Variants in MYO7A observed in about 807,000 individuals in gnomAD.
MYO7A encodes the protein myosin VIIA.
MYO7A carries 210 observed loss-of-function variants against 263.8 expected under a neutral mutation model. The ratio of observed to expected loss-of-function variants is 0.80; its 90% CI spans 0.71 to 0.89. The LOEUF (loss-of-function observed/expected upper bound fraction) is 0.89. Ranked by LOEUF, MYO7A falls within the 40% of genes least tolerant of loss-of-function variation. MYO7A has a pLI of 0.00. For synonymous variants in MYO7A, 1,239 were observed against 1,197.3 expected (o/e 1.03, Z -0.72); for missense variants, 2,820 against 2,968.3 (o/e 0.95, Z 1.16).
chr11:77,197,051 C>G (rs1591448663), intron 32 of MYO7A, among the ~76,000 whole-genome samples: 1 of 152,138 alleles, frequency 6.6e-6, no homozygotes, highest in Non-Finnish European at 1.5e-5. Context: ...ACTCACAGTC[C>G]CCCAGGACCT....
rs530466728 is a variant in MYO7A, at chr11:77,177,305, A to G, written c.2188-244A>G. 1.8e-4 allele frequency among the ~76,000 whole-genome samples: 27 copies of G among 152,314 alleles called. 1 individual carries two copies. The highest frequency in any genetic ancestry group is 8.8e-5 in the Non-Finnish European group (6 of 68,020). On this transcript the variant is annotated intron_variant, in intron 18 of 48. Coordinates refer to ENST00000409709, the MANE Select transcript of MYO7A (RefSeq NM_000260.4). Reference sequence around the variant, plus strand: ...CATACTGGGCCTTCCGACCCCATCCAGAGAGATTAGGCACCTTCTGCTCCA... The same window carrying G: ...CATACTGGGCCTTCCGACCCCATCCGGAGAGATTAGGCACCTTCTGCTCCA...
rs55990826 is a variant in MYO7A at position 77,181,794 on chromosome 11, T to G, written c.2905-157T>G. On this transcript the variant is annotated intron_variant, in intron 23 of 48. Coordinates refer to ENST00000409709, the MANE Select transcript of MYO7A (RefSeq NM_000260.4). The stretch of plus-strand genomic sequence containing the variant: ...TTTTTTTTTTGTTTTTTTTTTTTTT[T>G]TTTTTTTTGAGATGGGGTCGTACCC... Among the ~76,000 whole-genome samples the G allele has an allele frequency of 0.052, 7,201 of 138,096 alleles. 281 individuals are homozygous for G. The highest frequency in any genetic ancestry group is 0.082 in the Admixed American group (1,086 of 13,320). The allele number at this position is 138,096 out of a possible 152,430, so 90.6% of individuals were successfully genotyped here.
intron 15 of MYO7A, among the ~76,000 whole-genome samples, chr11:77,169,066 C>G (rs1953835384): frequency 6.6e-6 from 1 of 152,194 alleles, no homozygotes; most frequent in Non-Finnish European, 1.5e-5. Flanking sequence ...AACACGATGG[C>G]TTTTTAAAAG....
In MYO7A at chr11:77,182,607, C is replaced by T. The variant is rs1022909750; in HGVS notation, c.3285+7C>T. 6.2e-7 allele frequency: 1 copy of T among 1,612,664 alleles called. No homozygotes were observed. The highest frequency in any genetic ancestry group is 1.1e-5 in the South Asian group (1 of 91,056). On this transcript the variant is annotated splice_region_variant and intron_variant, in intron 25 of 48. Coordinates refer to ENST00000409709, the MANE Select transcript of MYO7A (RefSeq NM_000260.4). The stretch of plus-strand genomic sequence containing the variant: ...CCTGCAGGGCGAGGGCGAGGTGAGG[C>T]CAAGGTGCCCTCTGGATGATGTCCC...
chr11:77,194,732 T>A (rs1293551411), intron 32 of MYO7A, among the ~76,000 whole-genome samples: 1 of 152,200 alleles, frequency 6.6e-6, no homozygotes, highest in Non-Finnish European at 1.5e-5. Flanking sequence ...CCTTGCAGCC[T>A]CTGTGGGGCC....
chr11:77,132,776 C>T (rs12803821), intron 2 of MYO7A, among the ~76,000 whole-genome samples: 3 of 152,102 alleles, frequency 2.0e-5, no homozygotes, highest in East Asian at 1.9e-4. Context: ...CGTGAGCCAC[C>T]GCACCAGGTG....
rs1395953829 is a variant in MYO7A, at chr11:77,192,240, G to T, written c.4114G>T (p.Val1372Leu). 1 of 1,613,962 alleles carries T rather than the reference G, an allele frequency of 6.2e-7. No homozygotes were observed. The highest frequency in any genetic ancestry group is 8.5e-7 in the Non-Finnish European group (1 of 1,179,922). Residue 1372 changes from valine to leucine, a missense_variant, in exon 31 of 49, where the codon GTG becomes TTG. Transcript: ENST00000409709. ...CACCAACCTCATCTACCAGCAGGTGGTGCGAGGAGTCAAGTTTGGGGAGTA... is the reference window on the plus strand; with the variant it reads ...CACCAACCTCATCTACCAGCAGGTGTTGCGAGGAGTCAAGTTTGGGGAGTA... Reference protein sequence around the residue: ...VATNLIYQQVVRGVKFGEYRC... With the variant: ...VATNLIYQQVLRGVKFGEYRC...
intron 31 of MYO7A, 105 bp from the exon 32 acceptor site, chr11:77,194,249 C>G: frequency 7.5e-7 from 1 of 1,326,692 alleles, no homozygotes; most frequent in South Asian, 1.3e-5. Context: ...GCTCTGAGAG[C>G]TACAGGAGGC....
rs960599501 is a variant in MYO7A, at chr11:77,214,802, C to T, written c.*106C>T. ...GGGAAGACTTATGCCATCCCGGCAG[C>T]GAGGCTGGGCTGGCCAGCCACCACT... On this transcript the variant is annotated 3_prime_UTR_variant, in exon 49 of 49. Transcript: ENST00000409709. 21 of 956,542 alleles carry T rather than the reference C, an allele frequency of 2.2e-5. No individual in the cohort carries two copies. The highest frequency in any genetic ancestry group is 5.3e-5 in the East Asian group (2 of 37,602). The allele number at this position is 956,542 out of a possible 1,614,324, so 59.3% of individuals were successfully genotyped here. A position where few individuals can be genotyped will look rare whatever the true frequency, so the allele number is the denominator to read the frequency against.
intron 41 of MYO7A, 140 bp downstream of exon 41, chr11:77,206,342 G>T: frequency 1.5e-6 from 1 of 667,322 alleles, no homozygotes. Context: ...TGGAGTCGGG[G>T]CTCAGGACGA....
At position 77,199,476 on chromosome 11, in the gene MYO7A, G is replaced by T. The variant is rs112556934; in HGVS notation, c.4569-59G>T. On this transcript the variant is annotated intron_variant, in intron 34 of 48. Transcript: ENST00000409709. ...ACTTAGCCTGAGATGTGTCTGAGCT[G>T]GGCCACGTCTCCCACTGGTTGGGGC... 1.4e-4 allele frequency: 200 copies of T among 1,430,220 alleles called. 1 individual carries two copies. The African/African-American group carries it at 2.5e-3, about 18-fold the overall frequency. 88.6% of individuals were successfully genotyped at this position (1,430,220 alleles called of 1,614,324 possible).
chr11:77,159,198 G>T (rs547845824), intron 9 of MYO7A, among the ~76,000 whole-genome samples: 5 of 152,204 alleles, frequency 3.3e-5, no homozygotes, highest in Non-Finnish European at 5.9e-5. Flanking sequence ...TCTATTCCTC[G>T]AATGCCAGGC....
intron 7 of MYO7A, 26 bp from the exon 8 acceptor site, chr11:77,157,253 C>T: frequency 5.1e-6 from 8 of 1,568,996 alleles, no homozygotes; most frequent in Non-Finnish European, 7.0e-6. Flanking sequence ...CTCCCCTGGC[C>T]CCCAGCACTG....
At position 77,142,837 on chromosome 11, in the gene MYO7A, C is replaced by T. The variant is rs1555051597; in HGVS notation, c.132+15C>T. On this transcript the variant is annotated intron_variant, in intron 3 of 48. Coordinates refer to ENST00000409709, the MANE Select transcript of MYO7A (RefSeq NM_000260.4). ...ATGAAGACAATGTGAGTAGTCCCCT[C>T]CCTCCTCCTGCCCCATGCCTTGGGG... 4 of 1,574,522 alleles carry T rather than the reference C, an allele frequency of 2.5e-6. No homozygotes were observed. Among genetic ancestry groups the T allele is most frequent in the African/African-American group, 1.3e-5 (1 of 74,212 alleles).
chr11:77,211,922 C>A lies in MYO7A; in HGVS notation c.6339C>A (p.Ala2113=), dbSNP rs764862807. Residue 2113 remains alanine, a synonymous_variant, in exon 46 of 49, where the codon GCC becomes GCA. Coordinates refer to ENST00000409709, the MANE Select transcript of MYO7A (RefSeq NM_000260.4). Reference sequence around the variant, plus strand: ...TCAAGTGGCCCACCTTTGGCTCAGCCTTCTTCGAGGTGAAGGTACACCATG... The same window carrying A: ...TCAAGTGGCCCACCTTTGGCTCAGCATTCTTCGAGGTGAAGGTACACCATG... ...LIFKWPTFGS[A]FFEVKQTTEP... is the part of the protein sequence containing the mutation. 5.6e-6 allele frequency: 9 copies of A among 1,613,668 alleles called. No homozygotes were observed. Among genetic ancestry groups the A allele is most frequent in the Admixed American group, 1.7e-5 (1 of 59,996 alleles).
intron 27 of MYO7A, 124 bp downstream of exon 27, chr11:77,184,839 G>A (rs917025587): frequency 6.9e-7 from 1 of 1,449,152 alleles, no homozygotes; most frequent in Non-Finnish European, 9.5e-7. Context: ...CTAGCTAGTT[G>A]GTGGAGTTAG....
intron 15 of MYO7A, among the ~76,000 whole-genome samples, chr11:77,166,540 G>A (rs1004312719): frequency 2.0e-4 from 31 of 152,154 alleles, no homozygotes; most frequent in Non-Finnish European, 4.3e-4. Flanking sequence ...CAGAGAAGCT[G>A]GCACAGAGGG....
intron 35 of MYO7A, 30 bp from the exon 36 acceptor site, chr11:77,201,418 C>T: frequency 6.3e-7 from 1 of 1,599,038 alleles, no homozygotes; most frequent in East Asian, 2.3e-5. Flanking sequence ...TGTCTCTGCC[C>T]CCATGGTCCC....
At chr11:77,178,613 A>G (rs968606854) in intron 19 of MYO7A, among the ~76,000 whole-genome samples, 23 of 152,334 alleles carry the variant, frequency 1.5e-4, no homozygotes, top group Non-Finnish European at 3.1e-4. Context: ...CTCCTATAGA[A>G]GCAGCCTGCT....
Sources: allele counts gnomAD v4.1 joint callset (sites outside exome capture counted in the v4.1 genomes callset), GRCh38; gene constraint gnomAD v4.1.1; transcripts MANE v1.5; gene names NCBI Gene and HGNC (gene_info 2026-07-23, HGNC 2026-07-21).